The following CFHR3 variants were observed in gnomAD, a reference collection of about 807,000 sequenced individuals.
CFHR3 encodes the protein complement factor H-related protein 3.
A neutral mutation model predicts 36.0 loss-of-function variants in CFHR3; 22 were observed. That is an observed-to-expected ratio of 0.61 (90% CI 0.44 to 0.87). The LOEUF (loss-of-function observed/expected upper bound fraction) is 0.87. Ranked by LOEUF, CFHR3 falls within the 40% of genes least tolerant of loss-of-function variation. The pLI, the probability that CFHR3 is intolerant of heterozygous loss-of-function variation, is 0.00. For synonymous variants in CFHR3, 97 were observed against 137.4 expected, an observed-to-expected ratio of 0.71 and a Z score of 2.06; for missense variants, 276 against 401.3, an observed-to-expected ratio of 0.69 and a Z score of 2.67.
Position 196,776,180 on chromosome 1 carries a change from C to A in CFHR3, c.58+1236C>A, listed in dbSNP as rs1360287348. ...CATATGCACTATATTTTCTTACTTA[C>A]TTTCTTAAAAGCACTATAGAAAAGA... On this transcript the variant is annotated intron_variant, in intron 1 of 5. Coordinates refer to ENST00000367425, the MANE Select transcript of CFHR3 (RefSeq NM_021023.6). Among the ~76,000 whole-genome samples the A allele has an allele frequency of 5.5e-5, 7 of 128,190 alleles. 1 individual carries two copies. The allele number at this position is 128,190 out of a possible 152,430, so 84.1% of individuals were successfully genotyped here.
Position 196,777,997 on chromosome 1 carries a change from A to G in CFHR3, c.59-1165A>G, listed in dbSNP as rs1428215168. On this transcript the variant is annotated intron_variant, in intron 1 of 5. Transcript: ENST00000367425. ...ACAAGACTGTTAAAAAAAAAAAAAA[A>G]AAAAAGAAAAGAAAGAAAAATTAAA... Among the ~76,000 whole-genome samples, 2 of 133,666 alleles carry G rather than the reference A, an allele frequency of 1.5e-5. 1 individual carries two copies. Among genetic ancestry groups the G allele is most frequent in the African/African-American group, 6.3e-5 (2 of 31,622 alleles). 87.7% of individuals were successfully genotyped at this position (133,666 alleles called of 152,430 possible).
intron 5 of CFHR3, among the ~76,000 whole-genome samples, chr1:196,790,761 T>C (rs1369321650): frequency 1.7e-5 from 2 of 119,458 alleles, no homozygotes; most frequent in East Asian, 4.2e-4. Flanking sequence ...AATAAATAAA[T>C]AAATAAATAA....
rs1276597991 is a variant in CFHR3, at chr1:196,788,340, T to C, written c.555T>C (p.Asn185=). The C allele has an allele frequency of 1.3e-6, 2 of 1,528,936 alleles. No individual in the cohort carries two copies. The highest frequency in any genetic ancestry group is 4.5e-5 in the East Asian group (2 of 44,538). 94.7% of individuals were successfully genotyped at this position (1,528,936 alleles called of 1,614,324 possible). ...CKPGYATADG[N]SSGSITCLQN... is the part of the protein sequence containing the mutation. ...CAGGATATGCAACAGCAGATGGAAA[T>C]TCTTCAGGATCAATTACATGTTTGC... is the stretch of plus-strand genomic sequence containing the variant. Residue 185 remains asparagine, a synonymous_variant, in exon 4 of 6, where the codon AAT becomes AAC. Transcript: ENST00000367425.
At position 196,788,035 on chromosome 1, in the gene CFHR3, C is replaced by T. The variant is rs560348223; in HGVS notation, c.431-181C>T. Among the ~76,000 whole-genome samples the T allele has an allele frequency of 5.2e-4, 72 of 137,168 alleles. 17 individuals are homozygous for T. Among genetic ancestry groups the T allele is most frequent in the African/African-American group, 2.2e-3 (71 of 32,936 alleles). The allele number at this position is 137,168 out of a possible 152,430, so 90.0% of individuals were successfully genotyped here. Reference sequence around the variant, plus strand: ...TGCCCTTCCCTGTGTTCAACATTTCCTTCAGAAATTCGTGGTTTCCTTTAA... The same window carrying T: ...TGCCCTTCCCTGTGTTCAACATTTCTTTCAGAAATTCGTGGTTTCCTTTAA... On this transcript the variant is annotated intron_variant, in intron 3 of 5. Coordinates refer to ENST00000367425, the MANE Select transcript of CFHR3 (RefSeq NM_021023.6).
At chr1:196,789,548 A>T (rs1300594360) in intron 4 of CFHR3, 1 of 986,886 alleles carries the variant, frequency 1.0e-6, no homozygotes, top group African/African-American at 2.2e-5. Context: ...TATAATTTTT[A>T]TCTAATATAT....
At chr1:196,775,012 G>C in intron 1 of CFHR3, 68 bp downstream of exon 1, 2 of 1,239,608 alleles carry the variant, frequency 1.6e-6, no homozygotes, top group Middle Eastern at 2.1e-4. Flanking sequence ...ATCTAGCTTT[G>C]TATGTCTATA....
chr1:196,793,428 A>T lies in CFHR3; in HGVS notation c.908A>T (p.Lys303Ile). Residue 303 changes from lysine to isoleucine, a missense_variant, in exon 6 of 6, where the codon AAA becomes ATA. By Grantham distance (102) the Lys-to-Ile change is moderately radical (BLOSUM62 -3). Around this residue, in one of 3 missense-constraint regions of CFHR3, gnomAD observed 76 missense variants for 79.8 expected, o/e 0.95. Coordinates refer to ENST00000367425, the MANE Select transcript of CFHR3 (RefSeq NM_021023.6). Reference protein sequence around the residue: ...KTGDTIEFMCKLGYNANTSIL... With the variant: ...KTGDTIEFMCILGYNANTSIL... ...GGGGATACCATTGAATTTATGTGTA[A>T]ATTGGGATATAATGCAAATACATCA... 1 of 1,527,512 alleles carries T rather than the reference A, an allele frequency of 6.5e-7. No individual in the cohort carries two copies. The highest frequency in any genetic ancestry group is 1.2e-5 in the South Asian group (1 of 80,572). 94.6% of individuals were successfully genotyped at this position (1,527,512 alleles called of 1,614,324 possible). A position where few individuals can be genotyped will look rare whatever the true frequency, so the allele number is the denominator to read the frequency against.
intron 4 of CFHR3, chr1:196,789,186 C>A: frequency 3.3e-6 from 3 of 922,606 alleles, no homozygotes; most frequent in Non-Finnish European, 2.6e-6. Flanking sequence ...AATTTACATA[C>A]TCCCAAATCC....
At position 196,793,945 on chromosome 1, in the gene CFHR3, T is replaced by C. The variant is rs1263389194; in HGVS notation, c.*432T>C. On this transcript the variant is annotated 3_prime_UTR_variant, in exon 6 of 6. Transcript: ENST00000367425. ...TTCCCTTATTGTAGCCATGGTCCTC[T>C]AGATGCAGTTAACCAAATAGGGTCA... The C allele has an allele frequency of 4.7e-5, 7 of 147,760 alleles. 1 individual carries two copies. The highest frequency in any genetic ancestry group is 8.4e-5 in the Non-Finnish European group (6 of 71,380). 9.2% of individuals were successfully genotyped at this position (147,760 alleles called of 1,614,324 possible).
chr1:196,774,892 G>C lies in CFHR3; in HGVS notation c.6G>C (p.Leu2Phe), dbSNP rs1653651714. M[L>F]LLINVILTLW... ...TACTACTGAGAATATCTAACATGTT[G>C]TTACTAATCAATGTCATTCTGACCT... Residue 2 changes from leucine to phenylalanine, a missense_variant, in exon 1 of 6, where the codon TTG becomes TTC. Physicochemically the swap from Leu to Phe is conservative, Grantham distance 22. Around this residue, in one of 3 missense-constraint regions of CFHR3, gnomAD observed 178 missense variants for 247.2 expected, o/e 0.72. Coordinates refer to ENST00000367425, the MANE Select transcript of CFHR3 (RefSeq NM_021023.6). 1 of 1,527,730 alleles carries C rather than the reference G, an allele frequency of 6.5e-7. No homozygotes were observed. The highest frequency in any genetic ancestry group is 1.2e-5 in the South Asian group (1 of 80,560). 94.6% of individuals were successfully genotyped at this position (1,527,730 alleles called of 1,614,324 possible).
rs1320847872 is a variant in CFHR3, at chr1:196,776,921, C to T, written c.58+1977C>T. The stretch of plus-strand genomic sequence containing the variant: ...TTATATCTTGGGTGTATTGTCCTTG[C>T]TGATTTTTGTCTTGTTGAATACTTT... On this transcript the variant is annotated intron_variant, in intron 1 of 5. Coordinates refer to ENST00000367425, the MANE Select transcript of CFHR3 (RefSeq NM_021023.6). Among the ~76,000 whole-genome samples the T allele has an allele frequency of 2.2e-5, 3 of 135,616 alleles. 1 individual carries two copies. Among genetic ancestry groups the T allele is most frequent in the African/African-American group, 6.2e-5 (2 of 32,168 alleles). The allele number at this position is 135,616 out of a possible 152,430, so 89.0% of individuals were successfully genotyped here.
In CFHR3 at chr1:196,785,740, T is replaced by C. The variant is rs189748545; in HGVS notation, c.431-2476T>C. Among the ~76,000 whole-genome samples, 690 of 136,932 alleles carry C rather than the reference T, an allele frequency of 5.0e-3. 183 individuals are homozygous for C. Among genetic ancestry groups the C allele is most frequent in the African/African-American group, 0.02 (668 of 32,788 alleles). The allele number at this position is 136,932 out of a possible 152,430, so 89.8% of individuals were successfully genotyped here. ...TTCAAATTTTTAACTTCTTTGCCTT[T>C]GGTTTGAATTTCCTCCTGTAGCTTG... On this transcript the variant is annotated intron_variant, in intron 3 of 5. Transcript: ENST00000367425.
intron 1 of CFHR3, among the ~76,000 whole-genome samples, chr1:196,778,269 A>T (rs902823299): frequency 7.4e-6 from 1 of 135,732 alleles, no homozygotes; most frequent in Admixed American, 7.1e-5. Flanking sequence ...CAAAGTAAAG[A>T]TGTCACTTCT....
intron 4 of CFHR3, chr1:196,789,621 C>T: frequency 7.2e-7 from 1 of 1,382,724 alleles, no homozygotes; most frequent in Non-Finnish European, 9.6e-7. Context: ...CTTTTAAATT[C>T]ACAAATTTAA....
intron 3 of CFHR3, among the ~76,000 whole-genome samples, chr1:196,783,792 C>T (rs1344113500): frequency 7.4e-6 from 1 of 135,210 alleles, no homozygotes; most frequent in African/African-American, 3.1e-5. Flanking sequence ...GCTTTTTGTG[C>T]CTCTATTTCC....
rs560154920 is a variant in CFHR3, at chr1:196,784,107, G to C, written c.431-4109G>C. Among the ~76,000 whole-genome samples the C allele has an allele frequency of 3.6e-4, 49 of 136,538 alleles. 10 individuals are homozygous for C. Among genetic ancestry groups the C allele is most frequent in the Non-Finnish European group, 5.6e-4 (36 of 64,522 alleles). 89.6% of individuals were successfully genotyped at this position (136,538 alleles called of 152,430 possible). On this transcript the variant is annotated intron_variant, in intron 3 of 5. Coordinates refer to ENST00000367425, the MANE Select transcript of CFHR3 (RefSeq NM_021023.6). ...GTTTGTTCAGTTTCCATGTAGTTGA[G>C]CAGTTTTGAGTGAGTTTCTTAATCC...
In CFHR3 at chr1:196,794,351, T is replaced by A. The variant is rs1654522160; in HGVS notation, c.*838T>A. Among the ~76,000 whole-genome samples the A allele has an allele frequency of 7.3e-6, 1 of 136,544 alleles. No homozygotes were observed. The highest frequency in any genetic ancestry group is 3.1e-5 in the African/African-American group (1 of 32,624). The allele number at this position is 136,544 out of a possible 152,430, so 89.6% of individuals were successfully genotyped here. A position where few individuals can be genotyped will look rare whatever the true frequency, so the allele number is the denominator to read the frequency against. On this transcript the variant is annotated 3_prime_UTR_variant, in exon 6 of 6. Coordinates refer to ENST00000367425, the MANE Select transcript of CFHR3 (RefSeq NM_021023.6). ...GATGGCGTGCACCTGTAGTCCCAGC[T>A]ACTCAGGAGGCTGAGGTGGGAGAAT...
In CFHR3 at chr1:196,782,818, T is replaced by C. The variant is rs1035734118; in HGVS notation, c.430+2845T>C. 3.6e-5 allele frequency among the ~76,000 whole-genome samples: 5 copies of C among 137,180 alleles called. 1 individual carries two copies. The highest frequency in any genetic ancestry group is 7.7e-5 in the Non-Finnish European group (5 of 64,626). The allele number at this position is 137,180 out of a possible 152,430, so 90.0% of individuals were successfully genotyped here. A position where few individuals can be genotyped will look rare whatever the true frequency, so the allele number is the denominator to read the frequency against. ...ATTTCTTTCTCCTGAAGGAGATCCC[T>C]GGCCAGAACTTCCAACACTATGTTG... On this transcript the variant is annotated intron_variant, in intron 3 of 5. Transcript: ENST00000367425.
At position 196,779,305 on chromosome 1, in the gene CFHR3, G is replaced by T; in HGVS notation, c.202G>T (p.Asp68Tyr). 6.5e-7 allele frequency: 1 copy of T among 1,529,548 alleles called. No homozygotes were observed. The highest frequency in any genetic ancestry group is 2.2e-5 in the East Asian group (1 of 44,608). The allele number at this position is 1,529,548 out of a possible 1,614,324, so 94.7% of individuals were successfully genotyped here. ...HFETPSGSYWDYIHCTQNGWS... is the reference protein window; with the variant it reads ...HFETPSGSYWYYIHCTQNGWS... ...TGAGACTCCTTCAGGAAGTTACTGG[G>T]ATTACATTCATTGCACACAAAATGG... Residue 68 changes from aspartate (D) to tyrosine (Y), a missense_variant, in exon 2 of 6, where the codon GAT (aspartate) becomes TAT (tyrosine). Coordinates refer to ENST00000367425, the MANE Select transcript of CFHR3 (RefSeq NM_021023.6).
Sources: allele counts gnomAD v4.1 joint callset (sites outside exome capture counted in the v4.1 genomes callset), GRCh38; gene constraint gnomAD v4.1.1; regional missense constraint gnomAD v4.1.1; transcripts MANE v1.5; gene names NCBI Gene and HGNC (gene_info 2026-07-23, HGNC 2026-07-21).